The following TNR variants were observed in gnomAD, a reference collection of about 807,000 sequenced individuals.
The protein encoded by TNR is tenascin-R.
In TNR, 45 loss-of-function variants were observed where a neutral mutation model predicts 150.4. That is an observed-to-expected ratio of 0.30 (90% CI 0.24 to 0.38). The LOEUF is 0.38. TNR is among the 10% of genes least tolerant of loss of function. The pLI, the probability that TNR is intolerant of heterozygous loss-of-function variation, is 1.00. For synonymous variants in TNR, 687 were observed against 678.4 expected (o/e 1.01, Z -0.20); for missense variants, 1,544 against 1,759.1 (o/e 0.88, Z 2.19).
chr1:175,637,333 G>A (rs1664516107), intron 1 of TNR, among the ~76,000 whole-genome samples: 1 of 152,178 alleles, frequency 6.6e-6, no homozygotes, highest in Non-Finnish European at 1.5e-5. Context: ...CCATAATAAT[G>A]AAAGTAGAGA....
chr1:175,548,139 G>C (rs537976236), intron 1 of TNR, among the ~76,000 whole-genome samples: 5 of 152,270 alleles, frequency 3.3e-5, no homozygotes, highest in Admixed American at 1.3e-4. Context: ...TGGCACAACT[G>C]AGGCGGCTCT....
At chr1:175,688,943 C>G (rs913909762) in intron 1 of TNR, among the ~76,000 whole-genome samples, 2 of 152,214 alleles carry the variant, frequency 1.3e-5, no homozygotes, top group Non-Finnish European at 2.9e-5. Flanking sequence ...ATACAGTGAC[C>G]TCTGCATGCT....
At chr1:175,331,078 C>CTTCTTCTTTCT (rs1557868076) in intron 20 of TNR, among the ~76,000 whole-genome samples, 1 of 59,942 alleles carries the variant, frequency 1.7e-5, no homozygotes, top group Non-Finnish European at 3.5e-5. Flanking sequence ...TCTTTCTTTC[C>CTTCTTCTTTCT]TTCTTTCTTT....
At chr1:175,515,645 C>T (rs1310259576) in intron 2 of TNR, among the ~76,000 whole-genome samples, 5 of 152,120 alleles carry the variant, frequency 3.3e-5, no homozygotes, top group Non-Finnish European at 7.4e-5. Context: ...GTTGTGCATT[C>T]CTTGCTAAGA....
chr1:175,323,030 T>C lies in TNR; in HGVS notation c.*327A>G, dbSNP rs1438083099. Reference sequence around the variant, plus strand: ...CTCAGAAGAAGGGTAGAAAAATGTGTGTGCCTGTCACCATAACAATCTGCA... The same window carrying C: ...CTCAGAAGAAGGGTAGAAAAATGTGCGTGCCTGTCACCATAACAATCTGCA... On this transcript the variant is annotated 3_prime_UTR_variant, in exon 23 of 23. Coordinates refer to ENST00000367674, the MANE Select transcript of TNR (RefSeq NM_003285.3). The C allele has an allele frequency of 5.1e-6, 1 of 194,438 alleles. No homozygotes were observed. Among genetic ancestry groups the C allele is most frequent in the Non-Finnish European group, 1.0e-5 (1 of 95,488 alleles). 12.0% of individuals were successfully genotyped at this position (194,438 alleles called of 1,614,324 possible).
In TNR at chr1:175,516,332, G is replaced by A. The variant is rs180779116; in HGVS notation, c.-64+11937C>T. Among the ~76,000 whole-genome samples the A allele has an allele frequency of 7.0e-4, 107 of 152,290 alleles. 1 individual carries two copies. Among genetic ancestry groups the A allele is most frequent in the Middle Eastern group, 6.8e-3 (2 of 294 alleles). On this transcript the variant is annotated intron_variant, in intron 2 of 22. Coordinates refer to ENST00000367674, the MANE Select transcript of TNR (RefSeq NM_003285.3). ...CAAATGAGGCAAGGTCCTGGTTTCCGCAAGGTACCTGGAAGGTTAATGAAT... is the reference window on the plus strand; with the variant it reads ...CAAATGAGGCAAGGTCCTGGTTTCCACAAGGTACCTGGAAGGTTAATGAAT...
chr1:175,595,501 C>A (rs915230842), intron 1 of TNR, among the ~76,000 whole-genome samples: 2 of 152,186 alleles, frequency 1.3e-5, no homozygotes, highest in Non-Finnish European at 2.9e-5. Context: ...TGAAGTTGAA[C>A]CTCTTGGATT....
chr1:175,331,073 CTT>C (rs1273486406), intron 20 of TNR, among the ~76,000 whole-genome samples: 14 of 123,484 alleles, frequency 1.1e-4, no homozygotes, highest in Admixed American at 3.4e-4. Flanking sequence ...TTCTTTCTTT[CTT>C]TCCTTCTTTC....
intron 2 of TNR, among the ~76,000 whole-genome samples, chr1:175,481,034 C>T (rs1053615988): frequency 1.3e-5 from 2 of 152,124 alleles, no homozygotes; most frequent in African/African-American, 4.8e-5. Context: ...TGAAAACCTT[C>T]TGCGTTGTCA....
intron 1 of TNR, among the ~76,000 whole-genome samples, chr1:175,555,252 T>C (rs967973348): frequency 6.6e-6 from 1 of 151,976 alleles, no homozygotes; most frequent in Non-Finnish European, 1.5e-5. Flanking sequence ...AGGGGAAAAA[T>C]CTCAGATATT....
intron 2 of TNR, among the ~76,000 whole-genome samples, chr1:175,461,609 T>G (rs1656822464): frequency 6.6e-6 from 1 of 152,198 alleles, no homozygotes; most frequent in Non-Finnish European, 1.5e-5. Context: ...CATCTTTGGC[T>G]TCGATTTCTT....
At chr1:175,557,253 C>T (rs963627617) in intron 1 of TNR, among the ~76,000 whole-genome samples, 1 of 152,146 alleles carries the variant, frequency 6.6e-6, no homozygotes, top group Admixed American at 6.5e-5. Flanking sequence ...GACCCTGAGC[C>T]AGAGGACCCA....
At chr1:175,706,676 T>A (rs56142897) in intron 1 of TNR, among the ~76,000 whole-genome samples, 9,917 of 152,168 alleles carry the variant, frequency 0.065, 402 homozygotes, top group East Asian at 0.17. Flanking sequence ...TTACCCTGAA[T>A]GGAAATCTCA....
chr1:175,529,746 C>A (rs1659991497), intron 1 of TNR, among the ~76,000 whole-genome samples: 1 of 152,138 alleles, frequency 6.6e-6, no homozygotes. Context: ...AATTACAACT[C>A]CCCCTCCTGT....
At chr1:175,663,589 C>A (rs1280201282) in intron 1 of TNR, among the ~76,000 whole-genome samples, 2 of 152,146 alleles carry the variant, frequency 1.3e-5, no homozygotes, top group Non-Finnish European at 2.9e-5. Flanking sequence ...CAACTCTAAC[C>A]TACAGACAGG....
At chr1:175,454,494 A>G (rs769522525) in intron 2 of TNR, among the ~76,000 whole-genome samples, 1 of 151,024 alleles carries the variant, frequency 6.6e-6, no homozygotes, top group Non-Finnish European at 1.5e-5. Context: ...TTTTTGAGAC[A>G]GAGTCTCGCT....
At chr1:175,651,786 C>G (rs979925794) in intron 1 of TNR, among the ~76,000 whole-genome samples, 1 of 151,744 alleles carries the variant, frequency 6.6e-6, no homozygotes. Flanking sequence ...ATTATAGGTT[C>G]ATTTCACTTA....
intron 3 of TNR, among the ~76,000 whole-genome samples, chr1:175,405,064 C>T (rs548018188): frequency 7.9e-5 from 12 of 152,266 alleles, no homozygotes; most frequent in African/African-American, 2.9e-4. Flanking sequence ...GCTTTCATCC[C>T]CGTGAAAGCC....
In TNR at chr1:175,320,274, A is replaced by T. The variant is rs564000510; in HGVS notation, c.*3083T>A. The T allele has an allele frequency of 6.6e-6, 1 of 152,424 alleles. No homozygotes were observed. The highest frequency in any genetic ancestry group is 1.9e-4 in the East Asian group (1 of 5,174). The allele number at this position is 152,424 out of a possible 1,614,324, so 9.4% of individuals were successfully genotyped here. ...TAAGCAGGAATCAGCGAGGAAAGTT[A>T]TGAGCATTGAGTCAAGTTGACCATA... On this transcript the variant is annotated 3_prime_UTR_variant, in exon 23 of 23. Transcript: ENST00000367674.
Sources: gnomAD v4.1 joint callset for allele counts (sites outside exome capture counted in the v4.1 genomes callset) on GRCh38, gnomAD v4.1.1 for gene constraint, MANE v1.5 for transcripts, NCBI Gene and HGNC (gene_info 2026-07-23, HGNC 2026-07-21) for gene names.